The following ALMS1 variants were observed in gnomAD, a reference collection of about 807,000 sequenced individuals.
ALMS1 encodes ALMS1 centrosome and basal body associated protein.
In ALMS1, 271 loss-of-function variants were observed where a neutral mutation model predicts 352.2. The observed-to-expected ratio is 0.77, with a 90% confidence interval of 0.70 to 0.85. The LOEUF (loss-of-function observed/expected upper bound fraction) is 0.85. Among genes scored for constraint, ALMS1 ranks in the 40% least tolerant of loss-of-function variants. The probability of loss-of-function intolerance (pLI) is 0.00; values close to 1 mark genes in which losing one functional copy is unlikely to be tolerated. For missense variants in ALMS1, 5,445 were observed against 4,870.7 expected, an observed-to-expected ratio of 1.12 and a Z score of -3.51; for synonymous variants, 1,865 against 1,761.2, an observed-to-expected ratio of 1.06 and a Z score of -1.48.
At position 73,559,192 on chromosome 2, in the gene ALMS1, A is replaced by G. The variant is rs1209267021; in HGVS notation, c.10384+50A>G. Reference sequence around the variant, plus strand: ...GTGTGTGTGTCTTTGTGTGTATGTGAGGGTCAGTGTTAGTGTTTCCATTTC... The same window carrying G: ...GTGTGTGTGTCTTTGTGTGTATGTGGGGGTCAGTGTTAGTGTTTCCATTTC... On this transcript the variant is annotated intron_variant, in intron 15 of 22. Transcript: ENST00000613296. 1.9e-6 allele frequency: 3 copies of G among 1,581,360 alleles called. No homozygotes were observed. In the African/African-American group the frequency reaches 4.0e-5, roughly 21 times the overall value.
chr2:73,496,537 C>T (rs1170536367), intron 10 of ALMS1, among the ~76,000 whole-genome samples: 2 of 151,562 alleles, frequency 1.3e-5, no homozygotes, highest in African/African-American at 4.8e-5. Flanking sequence ...ATTAGAACTG[C>T]TGTAAACATT....
chr2:73,527,070 T>C (rs1032883974), intron 11 of ALMS1, among the ~76,000 whole-genome samples: 2 of 152,144 alleles, frequency 1.3e-5, no homozygotes, highest in African/African-American at 4.8e-5. Flanking sequence ...AGGCATCACA[T>C]TGATTGATTA....
Position 73,490,890 on chromosome 2 carries a change from T to C in ALMS1, c.8931T>C (p.Asp2977=), listed in dbSNP as rs1259260094. The C allele has an allele frequency of 1.9e-6, 3 of 1,614,010 alleles. No homozygotes were observed. The highest frequency in any genetic ancestry group is 2.5e-6 in the Non-Finnish European group (3 of 1,180,044). Residue 2977 remains aspartate (D), a synonymous_variant, in exon 10 of 23, where the codon GAT becomes GAC. Coordinates refer to ENST00000613296, the MANE Select transcript of ALMS1 (RefSeq NM_001378454.1). ...GCCAAAGCAAAGCGCCAGGTGTAGA[T>C]GACCAAATGAATAAACACCATTTTC... The part of the protein sequence containing the change: ...EQCQSKAPGV[D]DQMNKHHFPL...
chr2:73,534,795 A>G (rs1673991333), intron 11 of ALMS1, 29 bp from the exon 12 acceptor site: 5 of 1,608,886 alleles, frequency 3.1e-6, no homozygotes, highest in Admixed American at 3.3e-5. Flanking sequence ...TGTTTTTCAT[A>G]TTAATTGTTC....
chr2:73,522,220 T>C (rs932985730), intron 11 of ALMS1, among the ~76,000 whole-genome samples: 7 of 152,200 alleles, frequency 4.6e-5, no homozygotes, highest in African/African-American at 1.7e-4. Flanking sequence ...TCTGGGTCCA[T>C]TGTAATTTTG....
At chr2:73,582,113 G>A (rs1675196597) in intron 16 of ALMS1, among the ~76,000 whole-genome samples, 1 of 152,050 alleles carries the variant, frequency 6.6e-6, no homozygotes, top group Non-Finnish European at 1.5e-5. Flanking sequence ...ATTTGCATTT[G>A]CACTATTGCT....
intron 16 of ALMS1, among the ~76,000 whole-genome samples, chr2:73,581,166 CT>C (rs1675168615): frequency 6.6e-6 from 1 of 152,186 alleles, no homozygotes; most frequent in African/African-American, 2.4e-5. Context: ...TTCTTTCCTG[CT>C]TTTAGTATGT....
chr2:73,392,310 T>TG (rs1670667997), intron 1 of ALMS1, among the ~76,000 whole-genome samples: 1 of 151,296 alleles, frequency 6.6e-6, no homozygotes, highest in Non-Finnish European at 1.5e-5. Context: ...TTCCTTGTGT[T>TG]GAGTGCTTAA....
chr2:73,603,626 G>T, intron 21 of ALMS1: 1 of 354,648 alleles, frequency 2.8e-6, no homozygotes, highest in Non-Finnish European at 5.5e-6. Context: ...TAGGGAGGCC[G>T]AGGTGTGCAG....
intron 9 of ALMS1, among the ~76,000 whole-genome samples, chr2:73,462,443 G>C (rs1277980165): frequency 6.6e-6 from 1 of 152,072 alleles, no homozygotes; most frequent in Non-Finnish European, 1.5e-5. Context: ...CCCTAAAAGA[G>C]CTCCTGAAGG....
intron 9 of ALMS1, among the ~76,000 whole-genome samples, chr2:73,474,590 T>A (rs534005823): frequency 6.6e-6 from 1 of 152,198 alleles, no homozygotes; most frequent in East Asian, 1.9e-4. Flanking sequence ...TCCTTCCACC[T>A]CAGTCTCTCA....
intron 10 of ALMS1, among the ~76,000 whole-genome samples, chr2:73,493,296 G>A (rs983938261): frequency 1.3e-5 from 2 of 150,848 alleles, no homozygotes; most frequent in Admixed American, 6.6e-5. Context: ...ATTGGAGGTG[G>A]CATTTGAACC....
At chr2:73,431,659 A>G (rs922746342) in intron 6 of ALMS1, among the ~76,000 whole-genome samples, 3 of 152,140 alleles carry the variant, frequency 2.0e-5, no homozygotes, top group African/African-American at 7.2e-5. Context: ...AAGAAGTTTG[A>G]GGACTTATGC....
At chr2:73,513,947 C>G (rs550933230) in intron 10 of ALMS1, among the ~76,000 whole-genome samples, 35 of 152,212 alleles carry the variant, frequency 2.3e-4, no homozygotes, top group Admixed American at 9.2e-4. Context: ...CCGCCTTGTT[C>G]TGCCTACCTA....
chr2:73,510,606 C>T (rs1352154288), intron 10 of ALMS1, among the ~76,000 whole-genome samples: 3 of 152,138 alleles, frequency 2.0e-5, no homozygotes, highest in East Asian at 1.9e-4. Context: ...AGAGGGGCAC[C>T]CGCCAGATGC....
intron 13 of ALMS1, among the ~76,000 whole-genome samples, chr2:73,555,596 T>C (rs954410509): frequency 2.0e-5 from 3 of 152,156 alleles, no homozygotes; most frequent in African/African-American, 7.2e-5. Flanking sequence ...AGGGAAAATA[T>C]AATAAATATG....
intron 15 of ALMS1, among the ~76,000 whole-genome samples, chr2:73,563,860 T>A (rs893006527): frequency 6.7e-6 from 1 of 149,096 alleles, no homozygotes; most frequent in African/African-American, 2.5e-5. Flanking sequence ...AGAAAAAAAA[T>A]AAAACAGACA....
chr2:73,428,181 T>C (rs1671417996), intron 6 of ALMS1, among the ~76,000 whole-genome samples: 1 of 152,202 alleles, frequency 6.6e-6, no homozygotes, highest in Non-Finnish European at 1.5e-5. Flanking sequence ...AGGTTACATG[T>C]ATATATCAAT....
Position 73,490,966 on chromosome 2 carries a change from C to G in ALMS1, c.9007C>G (p.Pro3003Ala). 6.2e-7 allele frequency: 1 copy of G among 1,614,158 alleles called. No individual in the cohort carries two copies. Among genetic ancestry groups the G allele is most frequent in the Non-Finnish European group, 8.5e-7 (1 of 1,180,014 alleles). ...AGTGGAAAAGAATAATCAACATAAG[C>G]CTAAATCACACATTTCTAATATAAA... ...CVVEKNNQHK[P>A]KSHISNINVE... The change falls in exon 10 of 23, where the codon CCT becomes GCT. Residue 3003 changes from proline (P) to alanine (A), a missense_variant. By Grantham distance (27) the Pro-to-Ala change is conservative. Transcript: ENST00000613296.
Sources: allele counts gnomAD v4.1 joint callset (sites outside exome capture counted in the v4.1 genomes callset), GRCh38; gene constraint gnomAD v4.1.1; transcripts MANE v1.5; gene names NCBI Gene and HGNC (gene_info 2026-07-23, HGNC 2026-07-21).